Variants in SPHKAP observed in about 807,000 individuals in gnomAD.
SPHKAP encodes A-kinase anchor protein SPHKAP.
In SPHKAP, 67 loss-of-function variants were observed where a neutral mutation model predicts 137.5. That is an observed-to-expected ratio of 0.49 (90% CI 0.40 to 0.60). The LOEUF is 0.60. SPHKAP is among the 20% of genes least tolerant of loss of function. The probability of loss-of-function intolerance (pLI) is 0.00; values close to 1 mark genes in which losing one functional copy is unlikely to be tolerated. For missense variants in SPHKAP, 2,097 were observed against 2,069.3 expected, an observed-to-expected ratio of 1.01 and a Z score of -0.26; for synonymous variants, 813 against 785.3, an observed-to-expected ratio of 1.04 and a Z score of -0.59.
rs1451073144 is a variant in SPHKAP, at chr2:228,116,394, GACTCA to G, written c.139-7460_139-7456del. On this transcript the variant is annotated intron_variant, in intron 2 of 11. Transcript: ENST00000392056. The stretch of plus-strand genomic sequence containing the variant: ...AAGGCAAGTCACTTAACTTCTTTGA[GACTCA>G]GTTTTCCCGAAAATGAGAGTGGTAT... Among the ~76,000 whole-genome samples, 21 of 152,228 alleles carry G rather than the reference GACTCA, an allele frequency of 1.4e-4. No individual in the cohort carries two copies. The East Asian group carries it at 2.1e-3, about 15-fold the overall frequency.
At chr2:228,177,871 A>G (rs1294193125) in intron 1 of SPHKAP, among the ~76,000 whole-genome samples, 1 of 152,180 alleles carries the variant, frequency 6.6e-6, no homozygotes, top group African/African-American at 2.4e-5. Context: ...TGATCTTATC[A>G]TTCGAAATGC....
chr2:228,021,364 A>G (rs75660475), intron 6 of SPHKAP, among the ~76,000 whole-genome samples: 1,930 of 152,258 alleles, frequency 0.013, 11 homozygotes, highest in Non-Finnish European at 0.02. Context: ...GCTTCAACTA[A>G]TATATGGCTT....
At chr2:228,042,303 C>A (rs528285823) in intron 3 of SPHKAP, among the ~76,000 whole-genome samples, 1 of 152,078 alleles carries the variant, frequency 6.6e-6, no homozygotes, top group African/African-American at 2.4e-5. Context: ...ATCAAAATCT[C>A]GGGTTGGGGC....
In SPHKAP at chr2:228,018,051, C is replaced by G. The variant is rs754644680; in HGVS notation, c.2803G>C (p.Asp935His). Reference sequence around the variant, plus strand: ...TCAGTTGCCATGGAGACGACCGTGTCTGCTAATTCTTCCGCAAAGTCTGTA... The same window carrying G: ...TCAGTTGCCATGGAGACGACCGTGTGTGCTAATTCTTCCGCAAAGTCTGTA... Reference protein sequence around the residue: ...CITDFAEELADTVVSMATEIA... With the variant: ...CITDFAEELAHTVVSMATEIA... The change falls in exon 7 of 12, where the codon GAC becomes CAC. Residue 935 changes from aspartate (D) to histidine (H), a missense_variant. Transcript: ENST00000392056. 10 of 1,614,038 alleles carry G rather than the reference C, an allele frequency of 6.2e-6. No individual in the cohort carries two copies. The highest frequency in any genetic ancestry group is 5.3e-5 in the African/African-American group (4 of 74,936).
chr2:228,134,234 GAGGA>G (rs71043028), intron 1 of SPHKAP, among the ~76,000 whole-genome samples: 17,699 of 141,242 alleles, frequency 0.13, 1,201 homozygotes, highest in Non-Finnish European at 0.15. Context: ...AGGAGGGAGG[GAGGA>G]AGGAAGGAAG....
At chr2:228,092,115 ATATACATATACG>A (rs1697762768) in intron 3 of SPHKAP, among the ~76,000 whole-genome samples, 2 of 133,804 alleles carry the variant, frequency 1.5e-5, no homozygotes, top group Admixed American at 1.5e-4. Context: ...ATATACACAT[ATATACATATACG>A]TATATGTGTG....
chr2:227,989,380 G>A (rs1214494165), intron 11 of SPHKAP, among the ~76,000 whole-genome samples: 1 of 152,138 alleles, frequency 6.6e-6, no homozygotes, highest in Non-Finnish European at 1.5e-5. Flanking sequence ...TGAGAAGCAA[G>A]TAGGATGAGG....
chr2:228,016,308 C>T (rs1280915316), intron 7 of SPHKAP, 98 bp downstream of exon 7: 48 of 1,461,900 alleles, frequency 3.3e-5, no homozygotes, highest in Non-Finnish European at 3.9e-5. Context: ...AGTTCTTGCA[C>T]CAATCAAATC....
chr2:228,004,574 T>G (rs968667063), intron 7 of SPHKAP, among the ~76,000 whole-genome samples: 2 of 152,230 alleles, frequency 1.3e-5, no homozygotes, highest in African/African-American at 2.4e-5. Flanking sequence ...TGCTCTGATC[T>G]TAGTTATTTC....
chr2:228,132,194 A>G (rs543060254), intron 1 of SPHKAP, 109 bp from the exon 2 acceptor site: 75 of 954,076 alleles, frequency 7.9e-5, no homozygotes, highest in Non-Finnish European at 1.2e-4. Context: ...TCTTTTTCAG[A>G]TTGCATTAAA....
chr2:228,058,811 T>G (rs1308169811), intron 3 of SPHKAP, among the ~76,000 whole-genome samples: 2 of 152,230 alleles, frequency 1.3e-5, no homozygotes, highest in Non-Finnish European at 2.9e-5. Flanking sequence ...ATTTTGAATT[T>G]ACATGTAGCA....
rs115673958 is a variant in SPHKAP, at chr2:228,105,883, C to G, written c.246+2949G>C. The stretch of plus-strand genomic sequence containing the variant: ...TTTTTCTTTATAAATTACCAAGTCT[C>G]GGGTATTTCTTTATCAGCAGCATGT... On this transcript the variant is annotated intron_variant, in intron 3 of 11. Coordinates refer to ENST00000392056, the MANE Select transcript of SPHKAP (RefSeq NM_001142644.2). Among the ~76,000 whole-genome samples the G allele has an allele frequency of 5.0e-3, 754 of 152,224 alleles. 5 individuals carry two copies. Among genetic ancestry groups the G allele is most frequent in the African/African-American group, 0.017 (701 of 41,528 alleles).
intron 2 of SPHKAP, among the ~76,000 whole-genome samples, chr2:228,131,486 C>CT (rs35512181): frequency 0.35 from 49,827 of 144,388 alleles, 8,514 homozygotes; most frequent in East Asian, 0.53. Context: ...AGCATAGTTT[C>CT]TTTTTTTTTT....
intron 3 of SPHKAP, among the ~76,000 whole-genome samples, chr2:228,028,877 A>G (rs768662332): frequency 6.6e-6 from 1 of 152,240 alleles, no homozygotes; most frequent in Non-Finnish European, 1.5e-5. Flanking sequence ...GAAAACTACT[A>G]TGAGCATTCA....
At chr2:228,002,998 G>A (rs2106183343) in intron 7 of SPHKAP, among the ~76,000 whole-genome samples, 1 of 152,316 alleles carries the variant, frequency 6.6e-6, no homozygotes, top group South Asian at 2.1e-4. Context: ...AAGTCAGGCA[G>A]CGTGATGCCT....
chr2:227,996,716 A>G (rs896037985), intron 7 of SPHKAP, among the ~76,000 whole-genome samples: 2 of 152,034 alleles, frequency 1.3e-5, no homozygotes, highest in Non-Finnish European at 2.9e-5. Flanking sequence ...TCTTATTTCC[A>G]TTGACTTTTC....
rs976850784 is a variant in SPHKAP, at chr2:228,053,413, G to T, written c.247-25870C>A. ...CTACAATGTATAGGTTGTACTTCCT[G>T]CAACAAATCTGTTTGTCCAGAGAGG... is the stretch of plus-strand genomic sequence containing the variant. On this transcript the variant is annotated intron_variant, in intron 3 of 11. Transcript: ENST00000392056. Among the ~76,000 whole-genome samples the T allele has an allele frequency of 3.3e-5, 5 of 152,272 alleles. No individual in the cohort carries two copies. In the South Asian group the frequency reaches 6.2e-4, roughly 19 times the overall value.
intron 5 of SPHKAP, 44 bp downstream of exon 5, chr2:228,025,350 A>T (rs372649322): frequency 1.1e-4 from 183 of 1,608,764 alleles, no homozygotes; most frequent in Non-Finnish European, 1.5e-4. Flanking sequence ...TGCTGAGCTA[A>T]CTATAGATGT....
chr2:228,161,511 A>G (rs1442796084), intron 1 of SPHKAP, among the ~76,000 whole-genome samples: 1 of 152,176 alleles, frequency 6.6e-6, no homozygotes, highest in Non-Finnish European at 1.5e-5. Flanking sequence ...CAATGAGAAC[A>G]CGTGGACACA....
Sources: allele counts gnomAD v4.1 joint callset (sites outside exome capture counted in the v4.1 genomes callset), GRCh38; gene constraint gnomAD v4.1.1; transcripts MANE v1.5; gene names NCBI Gene and HGNC (gene_info 2026-07-23, HGNC 2026-07-21).